Variants in NTHL1 observed in about 807,000 individuals in gnomAD.
The protein encoded by NTHL1 is endonuclease III-like protein 1.
NTHL1 carries 32 observed loss-of-function variants against 32.3 expected under a neutral mutation model. The ratio of observed to expected loss-of-function variants is 0.99; its 90% CI spans 0.75 to 1.33. NTHL1 has a LOEUF of 1.33. NTHL1 is among the 40% of genes most tolerant of loss of function. The pLI is 0.00. For missense variants in NTHL1, 501 were observed against 414.1 expected, an observed-to-expected ratio of 1.21 and a Z score of -1.82; for synonymous variants, 188 against 176.9, an observed-to-expected ratio of 1.06 and a Z score of -0.50.
Position 2,047,722 on chromosome 16 carries a change from T to A in NTHL1, c.102A>T (p.Arg34Ser), listed in dbSNP as rs527315265. The A allele has an allele frequency of 1.8e-5, 28 of 1,583,298 alleles. No homozygotes were observed. Among genetic ancestry groups the A allele is most frequent in the African/African-American group, 2.7e-5 (2 of 74,314 alleles). The change falls in exon 1 of 6, where the codon AGA becomes AGT. Residue 34 changes from arginine to serine, a missense_variant. Coordinates refer to ENST00000651570, the MANE Select transcript of NTHL1 (RefSeq NM_002528.7). ...CREEPGPLRR[R>S]EAAAEARKSH... ...GCGCGGCGCTACCTGCTGCAGCCTC[T>A]CTTCTCCGGAGAGGCCCGGGCTCCT...
At position 2,044,959 on chromosome 16, in the gene NTHL1, G is replaced by A; in HGVS notation, c.355-159C>T. 1 of 721,278 alleles carries A rather than the reference G, an allele frequency of 1.4e-6. No homozygotes were observed. The highest frequency in any genetic ancestry group is 2.2e-6 in the Non-Finnish European group (1 of 447,526). 44.7% of individuals were successfully genotyped at this position (721,278 alleles called of 1,614,324 possible). On this transcript the variant is annotated intron_variant, in intron 2 of 5. Transcript: ENST00000651570. This position sits in a 1 kb window ranked among gnomAD's most constrained non-coding sequence, Gnocchi z 5.0. ...GGGTGGGGAGGTCTGGTTTGGGTAT[G>A]TTTGGTCATCTACAACACCAGGACA...
In NTHL1 at chr16:2,043,809, T is replaced by G. The variant is rs2150941532; in HGVS notation, c.526-83A>C. ...ATGCAGCCCCCAGGAGACCCACAGGTGGCCAGAGCTACCTGCACCTGCTGA... is the reference window on the plus strand; with the variant it reads ...ATGCAGCCCCCAGGAGACCCACAGGGGGCCAGAGCTACCTGCACCTGCTGA... On this transcript the variant is annotated intron_variant, in intron 3 of 5. Coordinates refer to ENST00000651570, the MANE Select transcript of NTHL1 (RefSeq NM_002528.7). This position sits in a 1 kb window ranked among gnomAD's most constrained non-coding sequence, Gnocchi z 4.4. 6.6e-7 allele frequency: 1 copy of G among 1,524,316 alleles called. No individual in the cohort carries two copies. The allele number at this position is 1,524,316 out of a possible 1,614,324, so 94.4% of individuals were successfully genotyped here. A position where few individuals can be genotyped will look rare whatever the true frequency, so the allele number is the denominator to read the frequency against.
chr16:2,041,821 G>A (rs2084271819), intron 4 of NTHL1, among the ~76,000 whole-genome samples: 1 of 151,784 alleles, frequency 6.6e-6, no homozygotes, highest in African/African-American at 2.4e-5. Flanking sequence ...TCTTAGCCTG[G>A]ATGGTCTTGA....
At chr16:2,041,695 C>T (rs2084270631) in intron 4 of NTHL1, among the ~76,000 whole-genome samples, 1 of 152,018 alleles carries the variant, frequency 6.6e-6, no homozygotes, top group Admixed American at 6.6e-5. Context: ...GCAAGCCCCA[C>T]CTCCCAGGTT....
At position 2,040,218 on chromosome 16, in the gene NTHL1, T is replaced by C. The variant is rs2150938413; in HGVS notation, c.706A>G (p.Arg236Gly). 2 of 1,613,814 alleles carry C rather than the reference T, an allele frequency of 1.2e-6. No homozygotes were observed. Among genetic ancestry groups the C allele is most frequent in the South Asian group, 1.1e-5 (1 of 91,088 alleles). ...SGIAVDTHVH[R>G]IANRLRWTKK... ...GTCCACCTCAGCCTGTTGGCGATTC[T>C]GTGCACATGCGTGTCCACTGCTGCT... The change falls in exon 5 of 6, where the codon AGA becomes GGA. Residue 236 changes from arginine to glycine, a missense_variant. Arg to Gly is a moderately radical substitution (Grantham distance 125). Transcript: ENST00000651570.
In NTHL1 at chr16:2,044,837, G is replaced by A. The variant is rs3087466; in HGVS notation, c.355-37C>T. 343 of 1,544,962 alleles carry A rather than the reference G, an allele frequency of 2.2e-4. 2 individuals are homozygous for A. The South Asian group carries it at 3.6e-3, about 16-fold the overall frequency. On this transcript the variant is annotated intron_variant, in intron 2 of 5. Transcript: ENST00000651570. This position sits in a 1 kb window ranked among gnomAD's most constrained non-coding sequence, Gnocchi z 5.0. ...GTGACAGGGACCGGGGTGGCGGCGG[G>A]TCCTGGGTGATTCCCTGGCCAGGCT...
In NTHL1 at chr16:2,040,035, G is replaced by C. The variant is rs1596216112; in HGVS notation, c.804C>G (p.His268Gln). The C allele has an allele frequency of 8.7e-6, 14 of 1,612,340 alleles. No homozygotes were observed. The highest frequency in any genetic ancestry group is 1.0e-5 in the Non-Finnish European group (12 of 1,180,010). Residue 268 changes from histidine (H) to glutamine (Q), a missense_variant, in exon 6 of 6, where the codon CAC becomes CAG. Coordinates refer to ENST00000651570, the MANE Select transcript of NTHL1 (RefSeq NM_002528.7). ...AGCCCACCAAGAGTCCATTGATCTCGTGCCACAGCTCCCTGTGGGGGTGGG... is the reference window on the plus strand; with the variant it reads ...AGCCCACCAAGAGTCCATTGATCTCCTGCCACAGCTCCCTGTGGGGGTGGG... Reference protein sequence around the residue: ...LEEWLPRELWHEINGLLVGFG... With the variant: ...LEEWLPRELWQEINGLLVGFG...
rs369651668 is a variant in NTHL1 at position 2,044,834 on chromosome 16, C to G, written c.355-34G>C. 6.4e-7 allele frequency: 1 copy of G among 1,552,902 alleles called. No homozygotes were observed. Among genetic ancestry groups the G allele is most frequent in the African/African-American group, 1.4e-5 (1 of 73,606 alleles). On this transcript the variant is annotated intron_variant, in intron 2 of 5. Coordinates refer to ENST00000651570, the MANE Select transcript of NTHL1 (RefSeq NM_002528.7). The surrounding 1 kb of genome is among the most constrained non-coding windows in gnomAD (Gnocchi z 5.0). ...GCAGTGACAGGGACCGGGGTGGCGG[C>G]GGGTCCTGGGTGATTCCCTGGCCAG...
rs1158379845 is a variant in NTHL1, at chr16:2,043,754, G to C, written c.526-28C>G. 1 of 1,609,036 alleles carries C rather than the reference G, an allele frequency of 6.2e-7. No homozygotes were observed. Among genetic ancestry groups the C allele is most frequent in the African/African-American group, 1.3e-5 (1 of 74,936 alleles). On this transcript the variant is annotated intron_variant, in intron 3 of 5. Transcript: ENST00000651570. This position sits in a 1 kb window ranked among gnomAD's most constrained non-coding sequence, Gnocchi z 4.4. ...GAAAGACAGGGGTGGGTTCAGCCTT[G>C]GAGGCAAGGGCACAGCCCAACCTGG...
chr16:2,041,449 T>A (rs1041157599), intron 4 of NTHL1, among the ~76,000 whole-genome samples: 1 of 152,058 alleles, frequency 6.6e-6, no homozygotes, highest in African/African-American at 2.4e-5. Flanking sequence ...TGGCATTTTT[T>A]TTTTTTTTTA....
intron 1 of NTHL1, 121 bp from the exon 2 acceptor site, chr16:2,046,487 C>T (rs2084399401): frequency 4.5e-6 from 4 of 898,782 alleles, no homozygotes; most frequent in Non-Finnish European, 5.1e-6. Flanking sequence ...TCATCTAATA[C>T]ACTTGGGGTG....
chr16:2,040,497 C>T (rs944487206), intron 4 of NTHL1: 1 of 564,328 alleles, frequency 1.8e-6, no homozygotes, highest in East Asian at 3.0e-5. Flanking sequence ...CTGGGCTGCC[C>T]ACTCCCAACA....
chr16:2,043,529 C>A lies in NTHL1; in HGVS notation c.685+38G>T. 1 of 1,599,226 alleles carries A rather than the reference C, an allele frequency of 6.3e-7. No homozygotes were observed. The highest frequency in any genetic ancestry group is 2.2e-5 in the East Asian group (1 of 44,856). On this transcript the variant is annotated intron_variant, in intron 4 of 5. Transcript: ENST00000651570. This position sits in a 1 kb window ranked among gnomAD's most constrained non-coding sequence, Gnocchi z 4.4. Reference sequence around the variant, plus strand: ...AGGATGTGGGGAATCCCAAGAGCAGCCAGTGGGCTGGAGCCAGCCCCGCCC... The same window carrying A: ...AGGATGTGGGGAATCCCAAGAGCAGACAGTGGGCTGGAGCCAGCCCCGCCC...
chr16:2,042,924 C>T (rs1290881315), intron 4 of NTHL1, among the ~76,000 whole-genome samples: 8 of 80,040 alleles, frequency 1.0e-4, no homozygotes, highest in African/African-American at 3.7e-4. Context: ...CTACCATTCC[C>T]CTCCTGTCCC....
Position 2,044,369 on chromosome 16 carries a change from C to G in NTHL1, c.525+261G>C, listed in dbSNP as rs566799293. On this transcript the variant is annotated intron_variant, in intron 3 of 5. Transcript: ENST00000651570. This position sits in a 1 kb window ranked among gnomAD's most constrained non-coding sequence, Gnocchi z 5.0. ...AAGGGAAAGGCGGGTGGGCAGGCAG[C>G]CTTGGCGGTGAGGAAGGGTGGGCAG... Among the ~76,000 whole-genome samples, 1 of 152,184 alleles carries G rather than the reference C, an allele frequency of 6.6e-6. No homozygotes were observed. The highest frequency in any genetic ancestry group is 6.5e-5 in the Admixed American group (1 of 15,296).
In NTHL1 at chr16:2,042,548, C is replaced by T. The variant is rs2084282346; in HGVS notation, c.685+1019G>A. ...CCCCCTGCAGGAGTCCCAAAGGGGC[C>T]TGGGATGGGGGCACACAGAGGGCAG... is the stretch of plus-strand genomic sequence containing the variant. On this transcript the variant is annotated intron_variant, in intron 4 of 5. Coordinates refer to ENST00000651570, the MANE Select transcript of NTHL1 (RefSeq NM_002528.7). 2.0e-5 allele frequency among the ~76,000 whole-genome samples: 3 copies of T among 152,244 alleles called. No individual in the cohort carries two copies. The South Asian group carries it at 6.2e-4, about 32-fold the overall frequency.
Position 2,045,064 on chromosome 16 carries a change from T to C in NTHL1, c.355-264A>G, listed in dbSNP as rs2516726. Among the ~76,000 whole-genome samples the C allele has an allele frequency of 0.32, 49,239 of 152,086 alleles. 10,239 individuals carry two copies. The highest frequency in any genetic ancestry group is 0.59 in the African/African-American group (24,346 of 41,454). Reference sequence around the variant, plus strand: ...GCTTAGAATCGTATGTGGCCGGGCGTGGTGGCTCGCACCCGTCATCCCAGC... The same window carrying C: ...GCTTAGAATCGTATGTGGCCGGGCGCGGTGGCTCGCACCCGTCATCCCAGC... On this transcript the variant is annotated intron_variant, in intron 2 of 5. Transcript: ENST00000651570.
chr16:2,043,853 C>G lies in NTHL1; in HGVS notation c.526-127G>C. 7.1e-6 allele frequency: 8 copies of G among 1,133,726 alleles called. No homozygotes were observed. Among genetic ancestry groups the G allele is most frequent in the East Asian group, 2.5e-5 (1 of 39,824 alleles). The allele number at this position is 1,133,726 out of a possible 1,614,324, so 70.2% of individuals were successfully genotyped here. A position where few individuals can be genotyped will look rare whatever the true frequency, so the allele number is the denominator to read the frequency against. ...CTGCTGAGGACGTGTGCAAGCTCAG[C>G]CCCCGCCCCCCAGGAGGCGGGAACA... On this transcript the variant is annotated intron_variant, in intron 3 of 5. Coordinates refer to ENST00000651570, the MANE Select transcript of NTHL1 (RefSeq NM_002528.7). The surrounding 1 kb of genome is among the most constrained non-coding windows in gnomAD (Gnocchi z 4.4).
chr16:2,045,601 T>C (rs1474141832), intron 2 of NTHL1, among the ~76,000 whole-genome samples: 1 of 152,062 alleles, frequency 6.6e-6, no homozygotes, highest in African/African-American at 2.4e-5. Context: ...CACACCTGGC[T>C]AATTTTTGTA....
Sources: allele counts gnomAD v4.1 joint callset (sites outside exome capture counted in the v4.1 genomes callset), GRCh38; gene constraint gnomAD v4.1.1; non-coding constraint Gnocchi (gnomAD v3.1); transcripts MANE v1.5; gene names NCBI Gene and HGNC (gene_info 2026-07-23, HGNC 2026-07-21).